The following TRPM1 variants were observed in gnomAD, a reference collection of about 807,000 sequenced individuals.
The protein encoded by TRPM1 is TRPM1-203 APA Isoform, Intron 10.
In TRPM1, 113 loss-of-function variants were observed where a neutral mutation model predicts 149.4. The ratio of observed to expected loss-of-function variants is 0.76; its 90% CI spans 0.65 to 0.88. The LOEUF (loss-of-function observed/expected upper bound fraction) is 0.88, where lower values mean the gene tolerates loss of function less well. Ranked by LOEUF, TRPM1 falls within the 40% of genes least tolerant of loss-of-function variation. The pLI, the probability that TRPM1 is intolerant of heterozygous loss-of-function variation, is 0.00. For missense variants in TRPM1, 1,976 were observed against 2,038.7 expected, an observed-to-expected ratio of 0.97 and a Z score of 0.59; for synonymous variants, 741 against 759.5, an observed-to-expected ratio of 0.98 and a Z score of 0.40.
At chr15:31,092,996 C>T (rs1334830272) in intron 1 of TRPM1, among the ~76,000 whole-genome samples, 1 of 152,212 alleles carries the variant, frequency 6.6e-6, no homozygotes, top group South Asian at 2.1e-4. Flanking sequence ...CACAGTGGTT[C>T]ATGCCTGTAA....
At chr15:31,131,959 C>T (rs957547804) in intron 1 of TRPM1, among the ~76,000 whole-genome samples, 4 of 152,142 alleles carry the variant, frequency 2.6e-5, no homozygotes, top group Admixed American at 2.6e-4. Context: ...CCAGCATAAC[C>T]AAAGTGGTGC....
chr15:31,069,562 C>A, intron 4 of TRPM1: 1 of 1,201,530 alleles, frequency 8.3e-7, no homozygotes, highest in Non-Finnish European at 1.0e-6. Context: ...GGGCAGAGGG[C>A]ACTCCCTGTT....
chr15:31,028,334 G>A lies in TRPM1; in HGVS notation c.3291C>T (p.Phe1097=), dbSNP rs768687662. The part of the protein sequence containing the change: ...ILLVNLLIAV[F]NNTFFEVKSI... ...TGGTCATCGGCTGTGACACGTACTT[G>A]AACACAGCAATCAGCAGGTTCACCA... The change falls in exon 25 of 28, where the codon TTC becomes TTT. Residue 1097 remains phenylalanine (F), a splice_region_variant and synonymous_variant. Transcript: ENST00000256552. The A allele has an allele frequency of 9.9e-6, 16 of 1,613,984 alleles. No individual in the cohort carries two copies. Among genetic ancestry groups the A allele is most frequent in the African/African-American group, 1.3e-5 (1 of 74,908 alleles).
At chr15:31,077,291 A>C (rs1260845863) in intron 2 of TRPM1, among the ~76,000 whole-genome samples, 1 of 152,180 alleles carries the variant, frequency 6.6e-6, no homozygotes, top group Non-Finnish European at 1.5e-5. Flanking sequence ...ACTGCAGTGC[A>C]AGTGTTGTTT....
At chr15:31,079,878 A>T (rs1326911033) in intron 2 of TRPM1, among the ~76,000 whole-genome samples, 1 of 152,196 alleles carries the variant, frequency 6.6e-6, no homozygotes, top group East Asian at 1.9e-4. Context: ...GGGGAAGTAT[A>T]AGAAGAGCCT....
At chr15:31,105,266 A>T (rs1596075205), upstream of TRPM1, among the ~76,000 whole-genome samples, 1 of 152,234 alleles carries the variant, frequency 6.6e-6, no homozygotes, top group East Asian at 1.9e-4. Flanking sequence ...GAATGCAAAG[A>T]TGTTTGGGAT....
At chr15:31,034,442 C>G (rs1193175721) in intron 21 of TRPM1, among the ~76,000 whole-genome samples, 1 of 152,232 alleles carries the variant, frequency 6.6e-6, no homozygotes, top group African/African-American at 2.4e-5. Context: ...ACACCTGCCC[C>G]CTTCTGGGAG....
intron 1 of TRPM1, among the ~76,000 whole-genome samples, chr15:31,089,659 G>A (rs918670789): frequency 6.6e-6 from 1 of 152,232 alleles, no homozygotes; most frequent in Non-Finnish European, 1.5e-5. Flanking sequence ...CAGCTACCCT[G>A]GGACGGTTCA....
At chr15:31,065,073 TCC>T (rs1472643321) in intron 7 of TRPM1, 2 of 534,638 alleles carry the variant, frequency 3.7e-6, no homozygotes, top group Non-Finnish European at 7.7e-6. Context: ...CCCTTTGCTG[TCC>T]CTGCCCTGCT....
intron 1 of TRPM1, among the ~76,000 whole-genome samples, chr15:31,117,570 C>A (rs11070819): frequency 0.41 from 61,118 of 150,808 alleles, 13,037 homozygotes; most frequent in East Asian, 0.72. Flanking sequence ...CTTGCTTGAA[C>A]CCGGTAGGTG....
At chr15:31,116,663 C>T (rs115474638) in intron 1 of TRPM1, among the ~76,000 whole-genome samples, 4,754 of 151,104 alleles carry the variant, frequency 0.031, 255 homozygotes, top group African/African-American at 0.11. Flanking sequence ...CACACCTTAC[C>T]GGCATCACCA....
At chr15:31,026,619 A>G (rs1566996692) in intron 26 of TRPM1, among the ~76,000 whole-genome samples, 1 of 152,186 alleles carries the variant, frequency 6.6e-6, no homozygotes, top group East Asian at 1.9e-4. Flanking sequence ...ACAAATTAAG[A>G]CGTTTTGAAA....
chr15:31,042,853 T>A (rs2033662814), intron 16 of TRPM1, among the ~76,000 whole-genome samples: 1 of 152,204 alleles, frequency 6.6e-6, no homozygotes, highest in Admixed American at 6.5e-5. Context: ...TGTGAATGGA[T>A]CAGGATTCAT....
intron 1 of TRPM1, among the ~76,000 whole-genome samples, chr15:31,106,935 T>G (rs761889664): frequency 1.3e-5 from 2 of 152,220 alleles, no homozygotes; most frequent in African/African-American, 2.4e-5. Context: ...ACCAACAAAA[T>G]ACGTTGTTAC....
chr15:31,019,912 G>A (rs1049998325), intron 27 of TRPM1, among the ~76,000 whole-genome samples: 3 of 151,808 alleles, frequency 2.0e-5, no homozygotes, highest in African/African-American at 2.4e-5. Context: ...CAAGTGATCC[G>A]CCCACCTCGG....
intron 1 of TRPM1, among the ~76,000 whole-genome samples, chr15:31,143,314 G>A (rs1337590298): frequency 6.6e-6 from 1 of 152,228 alleles, no homozygotes; most frequent in African/African-American, 2.4e-5. Flanking sequence ...ATGAACTGAT[G>A]AAGAAGAATT....
chr15:31,083,499 C>T (rs1017403188), intron 1 of TRPM1, among the ~76,000 whole-genome samples: 9 of 152,180 alleles, frequency 5.9e-5, no homozygotes, highest in Admixed American at 1.3e-4. Context: ...TGCCTTTGCC[C>T]GGCTCCTAGG....
intron 11 of TRPM1, among the ~76,000 whole-genome samples, chr15:31,054,734 G>C (rs1342829184): frequency 6.6e-6 from 1 of 152,076 alleles, no homozygotes; most frequent in African/African-American, 2.4e-5. Flanking sequence ...ATACATTGTG[G>C]AACGATGAAG....
chr15:31,119,639 CTGTT>C (rs1395520421), intron 1 of TRPM1, among the ~76,000 whole-genome samples: 4 of 149,820 alleles, frequency 2.7e-5, no homozygotes, highest in South Asian at 4.2e-4. Context: ...TAACAGATAA[CTGTT>C]TGTACAAAAA....
Sources: allele counts gnomAD v4.1 joint callset (sites outside exome capture counted in the v4.1 genomes callset), GRCh38; gene constraint gnomAD v4.1.1; transcripts MANE v1.5; gene names NCBI Gene and HGNC (gene_info 2026-07-23, HGNC 2026-07-21).